Variants in TTC7A observed in about 807,000 individuals in gnomAD.
TTC7A encodes tetratricopeptide repeat domain 7A.
In TTC7A, 110 loss-of-function variants were observed where a neutral mutation model predicts 103.7. That is an observed-to-expected ratio of 1.06 (90% CI 0.91 to 1.24). TTC7A has a LOEUF of 1.24. Ranked by LOEUF, TTC7A falls within the 50% of genes most tolerant of loss-of-function variation. TTC7A has a pLI of 0.00. For synonymous variants in TTC7A, 521 were observed against 467.9 expected (o/e 1.11, Z -1.47); for missense variants, 1,340 against 1,116.3 (o/e 1.20, Z -2.86).
intron 16 of TTC7A, chr2:47,046,706 T>C: frequency 2.2e-6 from 1 of 455,442 alleles, no homozygotes; most frequent in Non-Finnish European, 3.9e-6. Context: ...AGCTGGGTGC[T>C]GGGCTTGTTC....
chr2:46,934,112 G>C (rs1299841447), intron 2 of TTC7A, among the ~76,000 whole-genome samples: 1 of 151,870 alleles, frequency 6.6e-6, no homozygotes, highest in Non-Finnish European at 1.5e-5. Context: ...TCAGTACACA[G>C]GAAGAACAGA....
chr2:47,005,891 C>T, intron 8 of TTC7A, 31 bp from the exon 9 acceptor site: 1 of 1,613,340 alleles, frequency 6.2e-7, no homozygotes, highest in Non-Finnish European at 8.5e-7. Context: ...CTACTCTCCT[C>T]ACTCTTTCCC....
intron 12 of TTC7A, 28 bp downstream of exon 12, chr2:47,022,007 A>G (rs1679345054): frequency 2.6e-6 from 4 of 1,545,558 alleles, no homozygotes; most frequent in Non-Finnish European, 2.7e-6. Context: ...GGAGGCCTCT[A>G]CTTGGGGATG....
At chr2:47,059,246 C>G (rs1683577309) in intron 18 of TTC7A, among the ~76,000 whole-genome samples, 1 of 151,886 alleles carries the variant, frequency 6.6e-6, no homozygotes, top group African/African-American at 2.4e-5. Context: ...TGGTCTTGAA[C>G]TCCTGACCTC....
At chr2:46,999,961 G>C in intron 8 of TTC7A, 1 of 941,700 alleles carries the variant, frequency 1.1e-6, no homozygotes, top group Non-Finnish European at 1.3e-6. Context: ...CTGGGCATCT[G>C]GCTGTTTGAA....
At chr2:47,006,571 C>T (rs1677417861) in intron 9 of TTC7A, 70 bp from the exon 10 acceptor site, 1 of 1,396,462 alleles carries the variant, frequency 7.2e-7, no homozygotes, top group Non-Finnish European at 1.0e-6. Context: ...AGTAACTACC[C>T]TGGAAGGGTG....
At chr2:47,006,318 C>T (rs527649174) in intron 9 of TTC7A, among the ~76,000 whole-genome samples, 32 of 152,186 alleles carry the variant, frequency 2.1e-4, no homozygotes, top group African/African-American at 2.9e-4. Flanking sequence ...AATAAATGTT[C>T]GCTGCTATTT....
intron 15 of TTC7A, among the ~76,000 whole-genome samples, chr2:47,036,272 G>A (rs1008262545): frequency 1.3e-5 from 2 of 152,216 alleles, no homozygotes; most frequent in African/African-American, 4.8e-5. Context: ...GACAGTCTTT[G>A]AAGTAAGAAG....
chr2:47,056,643 A>G (rs1683342787), intron 18 of TTC7A, among the ~76,000 whole-genome samples: 1 of 152,208 alleles, frequency 6.6e-6, no homozygotes, highest in Admixed American at 6.5e-5. Flanking sequence ...AAAAAATAAT[A>G]AAAGGGCCTC....
Position 47,074,017 on chromosome 2 carries a change from G to C in TTC7A, c.*94G>C. ...GGGGCAACAGTGGCATCAGGTGCGG[G>C]GCCTCAGGGAAATACATCTTTAGTG... On this transcript the variant is annotated 3_prime_UTR_variant, in exon 20 of 20. Transcript: ENST00000319190. The C allele has an allele frequency of 2.1e-6, 2 of 957,746 alleles. No homozygotes were observed. Among genetic ancestry groups the C allele is most frequent in the Non-Finnish European group, 3.1e-6 (2 of 640,996 alleles). The allele number at this position is 957,746 out of a possible 1,614,324, so 59.3% of individuals were successfully genotyped here.
intron 15 of TTC7A, among the ~76,000 whole-genome samples, chr2:47,037,888 A>G (rs1210511900): frequency 6.6e-6 from 1 of 152,176 alleles, no homozygotes; most frequent in Non-Finnish European, 1.5e-5. Flanking sequence ...TGGGCCTTTT[A>G]TGTGCACGAT....
At chr2:46,954,557 A>G (rs989878836) in intron 2 of TTC7A, among the ~76,000 whole-genome samples, 12 of 149,876 alleles carry the variant, frequency 8.0e-5, no homozygotes, top group Non-Finnish European at 3.0e-5. Flanking sequence ...TCCTTTCAGA[A>G]CTAAGAGCCT....
At chr2:46,993,569 A>C in intron 6 of TTC7A, 41 bp downstream of exon 6, 1 of 1,594,544 alleles carries the variant, frequency 6.3e-7, no homozygotes, top group South Asian at 1.1e-5. Flanking sequence ...TTTAGGAGTC[A>C]GCTTTGGTGG....
chr2:46,970,499 G>A (rs1426402226), intron 3 of TTC7A, among the ~76,000 whole-genome samples: 1 of 152,248 alleles, frequency 6.6e-6, no homozygotes, highest in Non-Finnish European at 1.5e-5. Context: ...ACCCATCCCA[G>A]TGCTGGACCC....
intron 2 of TTC7A, among the ~76,000 whole-genome samples, chr2:46,920,599 G>C (rs1362803220): frequency 6.6e-6 from 1 of 151,542 alleles, no homozygotes; most frequent in Non-Finnish European, 1.5e-5. Context: ...CCAAAGTGCT[G>C]AGATTATAGG....
chr2:46,921,398 A>G (rs1315691491), intron 2 of TTC7A, among the ~76,000 whole-genome samples: 6 of 152,226 alleles, frequency 3.9e-5, no homozygotes, highest in South Asian at 2.1e-4. Context: ...AAATACCATT[A>G]TAATAGCATC....
chr2:47,050,114 C>A, intron 17 of TTC7A, 68 bp downstream of exon 17: 3 of 1,349,962 alleles, frequency 2.2e-6, no homozygotes, highest in Admixed American at 1.7e-5. Flanking sequence ...TTGAGAGCAC[C>A]AACACAGAGA....
chr2:46,920,292 T>C (rs1201210995), intron 2 of TTC7A, among the ~76,000 whole-genome samples: 1 of 152,184 alleles, frequency 6.6e-6, no homozygotes, highest in African/African-American at 2.4e-5. Flanking sequence ...GTTTGGAGTT[T>C]TTGACATTAG....
In TTC7A at chr2:46,957,174, TTGCCTGG is replaced by T. The variant is rs539515264; in HGVS notation, c.517+175_517+181del. 2.7e-3 allele frequency among the ~76,000 whole-genome samples: 418 copies of T among 152,310 alleles called. 1 individual carries two copies. The highest frequency in any genetic ancestry group is 9.3e-3 in the African/African-American group (387 of 41,566). ...CCGGTGGCAACCGGCCATGTTGACA[TTGCCTGG>T]TGCCTGGGACGTTAGGAGACTCAGA... On this transcript the variant is annotated intron_variant, in intron 3 of 19. Transcript: ENST00000319190.
Sources: allele counts gnomAD v4.1 joint callset (sites outside exome capture counted in the v4.1 genomes callset), GRCh38; gene constraint gnomAD v4.1.1; transcripts MANE v1.5; gene names NCBI Gene and HGNC (gene_info 2026-07-23, HGNC 2026-07-21).